Variants in SLC44A3 observed in about 807,000 individuals in gnomAD.
SLC44A3 encodes the protein solute carrier family 44 member 3.
SLC44A3 carries 74 observed loss-of-function variants against 75.4 expected under a neutral mutation model. That is an observed-to-expected ratio of 0.98 (90% CI 0.81 to 1.19). The LOEUF (loss-of-function observed/expected upper bound fraction) is 1.19. SLC44A3 is among the 50% of genes most tolerant of loss of function. The pLI, the probability that SLC44A3 is intolerant of heterozygous loss-of-function variation, is 0.00. For missense variants in SLC44A3, 700 were observed against 778.6 expected, an observed-to-expected ratio of 0.90 and a Z score of 1.20; for synonymous variants, 310 against 296.9, an observed-to-expected ratio of 1.04 and a Z score of -0.45.
At position 94,825,847 on chromosome 1, in the gene SLC44A3, A is replaced by C. The variant is rs141754370; in HGVS notation, c.278+1212A>C. 1,322 of 456,246 alleles carry C rather than the reference A, an allele frequency of 2.9e-3. 3 individuals carry two copies. The highest frequency in any genetic ancestry group is 4.1e-3 in the Non-Finnish European group (920 of 226,966). The allele number at this position is 456,246 out of a possible 1,614,324, so 28.3% of individuals were successfully genotyped here. ...TGCACTCATAGAGCCACTTACAAAG[A>C]AGACAGGAGGAGGAAGGGCGACTTA... On this transcript the variant is annotated intron_variant, in intron 3 of 14. Coordinates refer to ENST00000271227, the MANE Select transcript of SLC44A3 (RefSeq NM_001114106.3).
chr1:94,835,899 T>C (rs1440903711), intron 5 of SLC44A3, among the ~76,000 whole-genome samples: 7 of 152,244 alleles, frequency 4.6e-5, no homozygotes, highest in Non-Finnish European at 1.0e-4. Context: ...TTTGGTCTCT[T>C]GTACTTTTTG....
At chr1:94,822,477 G>A (rs1432708016) in intron 2 of SLC44A3, among the ~76,000 whole-genome samples, 2 of 152,158 alleles carry the variant, frequency 1.3e-5, no homozygotes, top group African/African-American at 4.8e-5. Context: ...ACAGAGCAAG[G>A]AGTGTTTTGT....
rs190559628 is a variant in SLC44A3 at position 94,822,789 on chromosome 1, G to A, written c.136-1704G>A. Among the ~76,000 whole-genome samples, 10 of 152,240 alleles carry A rather than the reference G, an allele frequency of 6.6e-5. No homozygotes were observed. The East Asian group carries it at 9.7e-4, about 15-fold the overall frequency. On this transcript the variant is annotated intron_variant, in intron 2 of 14. Coordinates refer to ENST00000271227, the MANE Select transcript of SLC44A3 (RefSeq NM_001114106.3). ...TCCATTTTCCTGATTTTGCAGGCAC[G>A]GTTGACAGTGACTACCTTGGTGGCC...
At chr1:94,846,722 G>A (rs1404755678) in intron 9 of SLC44A3, among the ~76,000 whole-genome samples, 1 of 152,240 alleles carries the variant, frequency 6.6e-6, no homozygotes, top group Non-Finnish European at 1.5e-5. Flanking sequence ...ATGGATGCAA[G>A]TACAAAAGAG....
At chr1:94,894,771 C>G (rs371720672) in intron 14 of SLC44A3, 47 bp from the exon 15 acceptor site, 29 of 1,506,924 alleles carry the variant, frequency 1.9e-5, no homozygotes, top group Non-Finnish European at 2.6e-5. Flanking sequence ...ACGTTATCAA[C>G]AGTACAGACA....
intron 12 of SLC44A3, among the ~76,000 whole-genome samples, chr1:94,886,200 T>C (rs1438683023): frequency 1.1e-4 from 16 of 152,152 alleles, no homozygotes; most frequent in Admixed American, 2.0e-4. Flanking sequence ...TTGGGGAGTC[T>C]CCTAGGCTTG....
At chr1:94,880,195 A>G (rs1230898186) in intron 12 of SLC44A3, among the ~76,000 whole-genome samples, 1 of 152,230 alleles carries the variant, frequency 6.6e-6, no homozygotes, top group Non-Finnish European at 1.5e-5. Flanking sequence ...AAGAATTCGA[A>G]GCGGGATCTC....
chr1:94,840,118 AT>A, intron 7 of SLC44A3, 81 bp downstream of exon 7: 1 of 1,246,486 alleles, frequency 8.0e-7, no homozygotes, highest in Non-Finnish European at 1.2e-6. Flanking sequence ...AAAAGTTGGC[AT>A]TTTTAAGCTA....
chr1:94,857,507 C>G lies in SLC44A3; in HGVS notation c.1238+7C>G. ...TTACTTGTTATTTCAACAGGTAGGT[C>G]CAGTGTTTTTTTTCTATTGGTTTGT... is the stretch of plus-strand genomic sequence containing the variant. On this transcript the variant is annotated splice_region_variant and intron_variant, in intron 10 of 14. Coordinates refer to ENST00000271227, the MANE Select transcript of SLC44A3 (RefSeq NM_001114106.3). The G allele has an allele frequency of 6.2e-7, 1 of 1,603,568 alleles. No individual in the cohort carries two copies. Among genetic ancestry groups the G allele is most frequent in the Non-Finnish European group, 8.5e-7 (1 of 1,176,286 alleles).
intron 12 of SLC44A3, chr1:94,889,272 T>C (rs752192285): frequency 2.6e-5 from 4 of 152,136 alleles, no homozygotes; most frequent in African/African-American, 4.8e-5. Context: ...TGAAGGGGTG[T>C]ACAAAAGGGT....
intron 10 of SLC44A3, among the ~76,000 whole-genome samples, chr1:94,860,530 G>A (rs926593140): frequency 9.9e-5 from 15 of 152,222 alleles, no homozygotes; most frequent in African/African-American, 3.1e-4. Flanking sequence ...GAAGCTTCCC[G>A]AGGGAAAAAA....
At chr1:94,835,026 A>C (rs1662593201) in intron 5 of SLC44A3, among the ~76,000 whole-genome samples, 1 of 152,240 alleles carries the variant, frequency 6.6e-6, no homozygotes, top group South Asian at 2.1e-4. Flanking sequence ...ACTGTCCCAA[A>C]AACCTGTTGA....
At chr1:94,837,934 A>G in intron 6 of SLC44A3, 63 bp downstream of exon 6, 1 of 1,383,636 alleles carries the variant, frequency 7.2e-7, no homozygotes, top group Non-Finnish European at 9.7e-7. Flanking sequence ...CTAGCATTTT[A>G]TATGTTGTAC....
intron 3 of SLC44A3, chr1:94,826,040 T>G (rs904844066): frequency 2.5e-6 from 1 of 393,696 alleles, no homozygotes; most frequent in African/African-American, 2.1e-5. Flanking sequence ...ATATGTATAT[T>G]ACAATGAAAT....
At chr1:94,861,949 C>A (rs998614059) in intron 10 of SLC44A3, among the ~76,000 whole-genome samples, 4 of 152,124 alleles carry the variant, frequency 2.6e-5, no homozygotes, top group Non-Finnish European at 5.9e-5. Flanking sequence ...TTCAAATATA[C>A]AAAAGAGGGT....
intron 6 of SLC44A3, among the ~76,000 whole-genome samples, chr1:94,839,305 T>TAAG (rs10622877): frequency 0.54 from 82,022 of 151,806 alleles, 22,228 homozygotes; most frequent in East Asian, 0.69. Context: ...TTAAGTATGA[T>TAAG]AATTTTAGAT....
chr1:94,886,383 A>C (rs859066), intron 12 of SLC44A3, among the ~76,000 whole-genome samples: 1 of 151,948 alleles, frequency 6.6e-6, no homozygotes, highest in Non-Finnish European at 1.5e-5. Context: ...CACACTCTGC[A>C]TCAGCCCCAC....
intron 9 of SLC44A3, among the ~76,000 whole-genome samples, chr1:94,847,328 C>T (rs562516879): frequency 3.9e-5 from 6 of 152,284 alleles, no homozygotes; most frequent in African/African-American, 1.4e-4. Flanking sequence ...TGCTCAGGCT[C>T]CCACTGCCAT....
At chr1:94,885,012 G>A (rs116723647) in intron 12 of SLC44A3, among the ~76,000 whole-genome samples, 8,806 of 152,050 alleles carry the variant, frequency 0.058, 352 homozygotes, top group African/African-American at 0.1. Flanking sequence ...TTGGGAGCCC[G>A]AGGCAGGCAG....
Sources: allele counts gnomAD v4.1 joint callset (sites outside exome capture counted in the v4.1 genomes callset), GRCh38; gene constraint gnomAD v4.1.1; transcripts MANE v1.5; gene names NCBI Gene and HGNC (gene_info 2026-07-23, HGNC 2026-07-21).